PAH: variants seen among roughly 807,000 people sequenced by gnomAD.
The protein encoded by PAH is phenylalanine-4-hydroxylase.
PAH carries 64 observed loss-of-function variants against 62.0 expected under a neutral mutation model. That is an observed-to-expected ratio of 1.03 (90% CI 0.84 to 1.27). The LOEUF (loss-of-function observed/expected upper bound fraction) is 1.27, where lower values mean the gene tolerates loss of function less well. PAH is among the 50% of genes most tolerant of loss of function. The pLI, the probability that PAH is intolerant of heterozygous loss-of-function variation, is 0.00. For missense variants in PAH, 579 were observed against 542.8 expected, an observed-to-expected ratio of 1.07 and a Z score of -0.66; for synonymous variants, 195 against 196.2, an observed-to-expected ratio of 0.99 and a Z score of 0.05.
chr12:102,873,243 G>A (rs547953483), intron 4 of PAH, among the ~76,000 whole-genome samples: 1 of 152,306 alleles, frequency 6.6e-6, no homozygotes, highest in Non-Finnish European at 1.5e-5. Context: ...GCAGTTAGTA[G>A]TGGGCACGTG....
At chr12:102,951,659 C>T (rs1296475636), upstream of PAH, among the ~76,000 whole-genome samples, 1 of 152,156 alleles carries the variant, frequency 6.6e-6, no homozygotes, top group Non-Finnish European at 1.5e-5. Context: ...AGAGGATCCA[C>T]AAAGTGGGGG....
intron 1 of PAH, among the ~76,000 whole-genome samples, chr12:102,924,344 C>A (rs1464811293): frequency 1.3e-5 from 2 of 150,738 alleles, no homozygotes; most frequent in Non-Finnish European, 2.9e-5. Flanking sequence ...CTATTAGCAG[C>A]AACTAGACTG....
intron 2 of PAH, among the ~76,000 whole-genome samples, chr12:102,901,450 A>G (rs1877757788): frequency 6.6e-6 from 1 of 152,206 alleles, no homozygotes; most frequent in African/African-American, 2.4e-5. Flanking sequence ...GTCTTCATTA[A>G]TATATATTCA....
intron 1 of PAH, chr12:102,923,610 A>G (rs1381373232): frequency 6.6e-6 from 1 of 152,228 alleles, no homozygotes; most frequent in Non-Finnish European, 1.5e-5. Flanking sequence ...AGGGGGAAAA[A>G]CATATTATAG....
chr12:102,947,991 G>T (rs1272117653), intron 1 of PAH, among the ~76,000 whole-genome samples: 2 of 152,122 alleles, frequency 1.3e-5, no homozygotes, highest in African/African-American at 4.8e-5. Flanking sequence ...GATTGGATGA[G>T]CCCTACCCAC....
At chr12:102,891,891 C>T (rs1310041689) in intron 3 of PAH, among the ~76,000 whole-genome samples, 1 of 152,224 alleles carries the variant, frequency 6.6e-6, no homozygotes, top group Non-Finnish European at 1.5e-5. Context: ...CTGGCCCAGC[C>T]TCCACCTGCT....
chr12:102,846,426 A>G (rs1874845818), intron 9 of PAH, among the ~76,000 whole-genome samples: 1 of 152,218 alleles, frequency 6.6e-6, no homozygotes, highest in Non-Finnish European at 1.5e-5. Flanking sequence ...CTATAGCCCC[A>G]GTGGACAAGT....
At chr12:102,874,900 C>T (rs1432577322) in intron 4 of PAH, among the ~76,000 whole-genome samples, 1 of 152,130 alleles carries the variant, frequency 6.6e-6, no homozygotes. Context: ...ATGCATACTG[C>T]CAAGGGCCGG....
chr12:102,879,655 G>A (rs1191492482), intron 3 of PAH, among the ~76,000 whole-genome samples: 2 of 151,972 alleles, frequency 1.3e-5, no homozygotes, highest in Admixed American at 6.6e-5. Flanking sequence ...GGACACTGAG[G>A]TACAGAGAGG....
At chr12:102,905,403 C>G (rs982133642) in intron 2 of PAH, among the ~76,000 whole-genome samples, 2 of 152,180 alleles carry the variant, frequency 1.3e-5, no homozygotes, top group African/African-American at 2.4e-5. Context: ...ACCAGCCAAG[C>G]TTCTCTTGGC....
At chr12:102,910,426 A>G (rs2136724719) in intron 2 of PAH, among the ~76,000 whole-genome samples, 1 of 149,444 alleles carries the variant, frequency 6.7e-6, no homozygotes, top group African/African-American at 2.5e-5. Flanking sequence ...GCTAGAGTGC[A>G]GTGGCACGAT....
chr12:102,851,845 G>T (rs1444118713), intron 7 of PAH, 89 bp from the exon 8 acceptor site: 22 of 952,124 alleles, frequency 2.3e-5, no homozygotes, highest in Non-Finnish European at 3.1e-5. Context: ...TGGGCAGAAA[G>T]AATGGAAATA....
At chr12:102,935,743 CT>C in intron 1 of PAH, among the ~76,000 whole-genome samples, 1 of 151,948 alleles carries the variant, frequency 6.6e-6, no homozygotes, top group South Asian at 2.1e-4. Context: ...GTAATGTCTC[CT>C]TTTTCATATC....
Position 102,852,970 on chromosome 12 carries a change from GA to G in PAH, c.707-21del, listed in dbSNP as rs1356101566. On this transcript the variant is annotated intron_variant, in intron 6 of 12. Coordinates refer to ENST00000553106, the MANE Select transcript of PAH (RefSeq NM_000277.3). The stretch of plus-strand genomic sequence containing the variant: ...TGCAAGCTGGGATGAAAAGAAGAAA[GA>G]AAACTCAAAGCTCATCACCACTGAG... 1.2e-6 allele frequency: 2 copies of G among 1,613,636 alleles called. No homozygotes were observed.
chr12:102,958,349 C>G, exon 1 of PAH: 4 of 1,434,154 alleles, frequency 2.8e-6, no homozygotes. Context: ...TTGCCACGGC[C>G]GCAGCCGCGG....
intron 4 of PAH, among the ~76,000 whole-genome samples, chr12:102,868,126 G>GTATATA (rs1182277046): frequency 1.1e-3 from 7 of 6,450 alleles, no homozygotes; most frequent in East Asian, 4.7e-3. Flanking sequence ...ACATATATGT[G>GTATATA]TATATATATA....
At chr12:102,853,913 G>A (rs1226521413) in intron 6 of PAH, among the ~76,000 whole-genome samples, 5 of 152,208 alleles carry the variant, frequency 3.3e-5, no homozygotes, top group African/African-American at 7.2e-5. Context: ...GACAGAGATA[G>A]GTTAAAGGTT....
chr12:102,924,359 GTT>G (rs140026020), intron 1 of PAH, among the ~76,000 whole-genome samples: 191 of 149,792 alleles, frequency 1.3e-3, no homozygotes, highest in African/African-American at 4.3e-3. Context: ...AGACTGATGG[GTT>G]TTTTTTTTAA....
At chr12:102,893,772 C>G (rs1877377374) in intron 3 of PAH, among the ~76,000 whole-genome samples, 1 of 152,186 alleles carries the variant, frequency 6.6e-6, no homozygotes, top group Non-Finnish European at 1.5e-5. Flanking sequence ...CTTTTCCTCC[C>G]CGGAGGATGA....
Sources: allele counts gnomAD v4.1 joint callset (sites outside exome capture counted in the v4.1 genomes callset), GRCh38; gene constraint gnomAD v4.1.1; transcripts MANE v1.5; gene names NCBI Gene and HGNC (gene_info 2026-07-23, HGNC 2026-07-21).